The following RFX3 variants were observed in gnomAD, a reference collection of about 807,000 sequenced individuals.
The protein encoded by RFX3 is regulatory factor X3.
A neutral mutation model predicts 98.6 loss-of-function variants in RFX3; 14 were observed. That is an observed-to-expected ratio of 0.14 (90% CI 0.09 to 0.22). RFX3 has a LOEUF of 0.22. RFX3 is among the 10% of genes least tolerant of loss of function. RFX3 has a pLI of 1.00. For synonymous variants in RFX3, 383 were observed against 328.4 expected (o/e 1.17, Z -1.80); for missense variants, 639 against 926.9 (o/e 0.69, Z 4.03).
chr9:3,401,874 C>T (rs372385440), intron 1 of RFX3, among the ~76,000 whole-genome samples: 5 of 152,114 alleles, frequency 3.3e-5, no homozygotes, highest in South Asian at 2.1e-4. Context: ...TTAACCCCTA[C>T]GAGAAGGAAA....
chr9:3,433,372 T>A (rs1214417441), intron 1 of RFX3, among the ~76,000 whole-genome samples: 1 of 152,198 alleles, frequency 6.6e-6, no homozygotes, highest in Admixed American at 6.6e-5. Context: ...CTACTCCCAT[T>A]GAATGAATAG....
Position 3,340,111 on chromosome 9 carries a change from C to T in RFX3, c.215+6556G>A, listed in dbSNP as rs920388820. On this transcript the variant is annotated intron_variant, in intron 3 of 16. Transcript: ENST00000617270. ...AGAAATAATGCCGCATATCTACAAC[C>T]ATCTGATCTTTGACAAACCTGGCAA... 3.3e-5 allele frequency among the ~76,000 whole-genome samples: 5 copies of T among 152,146 alleles called. 1 individual carries two copies. Among genetic ancestry groups the T allele is most frequent in the East Asian group, 1.9e-4 (1 of 5,188 alleles).
At chr9:3,501,536 A>T (rs532912367) in intron 1 of RFX3, among the ~76,000 whole-genome samples, 31 of 150,746 alleles carry the variant, frequency 2.1e-4, no homozygotes, top group Non-Finnish European at 4.1e-4. Flanking sequence ...ATACAAAAAG[A>T]TACATATTTT....
At chr9:3,279,754 A>G (rs941988636) in intron 7 of RFX3, among the ~76,000 whole-genome samples, 6 of 151,896 alleles carry the variant, frequency 4.0e-5, no homozygotes, top group African/African-American at 1.4e-4. Flanking sequence ...GACAGCTGTT[A>G]GTATTGCAAA....
At chr9:3,348,550 T>C (rs763575462) in intron 2 of RFX3, among the ~76,000 whole-genome samples, 34 of 151,864 alleles carry the variant, frequency 2.2e-4, no homozygotes, top group Admixed American at 2.6e-4. Context: ...AATCCTTCTA[T>C]AAAGAATAAA....
At chr9:3,290,023 AAC>A (rs1827131565) in intron 6 of RFX3, among the ~76,000 whole-genome samples, 1 of 152,124 alleles carries the variant, frequency 6.6e-6, no homozygotes, top group Non-Finnish European at 1.5e-5. Flanking sequence ...GTAAATGCTA[AAC>A]AGTTTCTATG....
At chr9:3,429,441 T>TTG (rs1844445528) in intron 1 of RFX3, among the ~76,000 whole-genome samples, 1 of 150,548 alleles carries the variant, frequency 6.6e-6, no homozygotes, top group Non-Finnish European at 1.5e-5. Flanking sequence ...TATAATATAA[T>TTG]TGTGTGTGTC....
intron 4 of RFX3, among the ~76,000 whole-genome samples, chr9:3,320,884 C>T (rs963559561): frequency 1.7e-4 from 26 of 149,966 alleles, no homozygotes; most frequent in African/African-American, 6.4e-4. Context: ...GCATATTTCC[C>T]TGCTGATGGA....
chr9:3,415,106 GTATA>G (rs1157171981), intron 1 of RFX3, among the ~76,000 whole-genome samples: 1 of 80,334 alleles, frequency 1.2e-5, no homozygotes, highest in East Asian at 3.1e-4. Context: ...TCATATATAA[GTATA>G]TATATATACT....
chr9:3,363,601 G>C (rs1362133621), intron 2 of RFX3, among the ~76,000 whole-genome samples: 1 of 152,176 alleles, frequency 6.6e-6, no homozygotes, highest in Admixed American at 6.5e-5. Flanking sequence ...ATTATTAATA[G>C]TGATATGCAA....
At chr9:3,254,595 T>A (rs1206579994) in intron 14 of RFX3, among the ~76,000 whole-genome samples, 1 of 151,936 alleles carries the variant, frequency 6.6e-6, no homozygotes, top group Non-Finnish European at 1.5e-5. Flanking sequence ...TGGAGTGCAG[T>A]GGCGTGATCT....
chr9:3,405,098 C>T (rs143042885), intron 1 of RFX3, among the ~76,000 whole-genome samples: 50 of 152,252 alleles, frequency 3.3e-4, no homozygotes, highest in Non-Finnish European at 5.4e-4. Flanking sequence ...TATCAAAAAG[C>T]TTCCTCCTTG....
At position 3,224,934 on chromosome 9, in the gene RFX3, G is replaced by A. The variant is rs1817600397; in HGVS notation, c.*108C>T. On this transcript the variant is annotated 3_prime_UTR_variant, in exon 17 of 17. Coordinates refer to ENST00000617270, the MANE Select transcript of RFX3 (RefSeq NM_001282116.2). ...CACAACTCCAAAAAGTTAATGTTCA[G>A]CACAGATAGAATTTGACAACAGTCG... 5 of 1,113,836 alleles carry A rather than the reference G, an allele frequency of 4.5e-6. No individual in the cohort carries two copies. The highest frequency in any genetic ancestry group is 1.5e-5 in the South Asian group (1 of 68,770). The allele number at this position is 1,113,836 out of a possible 1,614,324, so 69.0% of individuals were successfully genotyped here.
chr9:3,247,569 C>T, intron 15 of RFX3: 1 of 1,197,060 alleles, frequency 8.4e-7, no homozygotes, highest in Non-Finnish European at 1.1e-6. Flanking sequence ...AGTAAGTGTC[C>T]AAAAAATGTT....
chr9:3,435,802 TAAAAAAAAA>T (rs34925429), intron 1 of RFX3, among the ~76,000 whole-genome samples: 1 of 97,636 alleles, frequency 1.0e-5, no homozygotes, highest in East Asian at 2.8e-4. Context: ...ATCTGCATTG[TAAAAAAAAA>T]AAAAAAAAAA....
chr9:3,277,724 G>A (rs1181416593), intron 7 of RFX3, among the ~76,000 whole-genome samples: 1 of 151,512 alleles, frequency 6.6e-6, no homozygotes, highest in Non-Finnish European at 1.5e-5. Context: ...AGAATTATAA[G>A]GTATTTCTTT....
At chr9:3,520,704 C>G (rs1428086000) in intron 1 of RFX3, among the ~76,000 whole-genome samples, 1 of 152,186 alleles carries the variant, frequency 6.6e-6, no homozygotes, top group Non-Finnish European at 1.5e-5. Context: ...GAGACAGGGT[C>G]TTGCTCTGTC....
intron 14 of RFX3, among the ~76,000 whole-genome samples, chr9:3,248,624 A>T (rs995915891): frequency 6.6e-6 from 1 of 152,202 alleles, no homozygotes; most frequent in Non-Finnish European, 1.5e-5. Flanking sequence ...TAGAAAAAAG[A>T]TGCATTTCTG....
intron 2 of RFX3, among the ~76,000 whole-genome samples, chr9:3,356,973 G>GCACACACACACACACA (rs200669491): frequency 1.6e-5 from 2 of 128,968 alleles, no homozygotes. Flanking sequence ...GCACACACAC[G>GCACACACACACACACA]CACACACACA....
Sources: gnomAD v4.1 joint callset for allele counts (sites outside exome capture counted in the v4.1 genomes callset) on GRCh38, gnomAD v4.1.1 for gene constraint, MANE v1.5 for transcripts, NCBI Gene and HGNC (gene_info 2026-07-23, HGNC 2026-07-21) for gene names.